Variants in CIT observed in about 807,000 individuals in gnomAD.
CIT encodes citron rho-interacting serine/threonine kinase.
Under a neutral mutation model 272.7 loss-of-function variants are expected in CIT, and 79 were observed. The observed-to-expected ratio is 0.29, with a 90% confidence interval of 0.24 to 0.35. The LOEUF is 0.35. CIT is among the 10% of genes least tolerant of loss of function. The pLI, the probability that CIT is intolerant of heterozygous loss-of-function variation, is 1.00. For missense variants in CIT, 1,909 were observed against 2,618.3 expected, an observed-to-expected ratio of 0.73 and a Z score of 5.91; for synonymous variants, 948 against 995.6, an observed-to-expected ratio of 0.95 and a Z score of 0.90.
chr12:119,793,913 CAG>C (rs1252690099), intron 10 of CIT, among the ~76,000 whole-genome samples: 1 of 152,184 alleles, frequency 6.6e-6, no homozygotes, highest in Non-Finnish European at 1.5e-5. Context: ...TCCATGAAGA[CAG>C]GGATTTTTGT....
chr12:119,841,146 T>C (rs1371194401), intron 5 of CIT, among the ~76,000 whole-genome samples: 1 of 152,102 alleles, frequency 6.6e-6, no homozygotes, highest in Non-Finnish European at 1.5e-5. Context: ...CTGTACCTTG[T>C]ATCACCTACA....
chr12:119,734,012 C>T, intron 26 of CIT, 152 bp downstream of exon 26: 1 of 770,744 alleles, frequency 1.3e-6, no homozygotes, highest in Non-Finnish European at 2.1e-6. Context: ...TCCTGGTTTG[C>T]CCAAGAGTCT....
chr12:119,807,891 A>T (rs1370296256), intron 9 of CIT, among the ~76,000 whole-genome samples: 1 of 136,836 alleles, frequency 7.3e-6, no homozygotes, highest in African/African-American at 3.1e-5. Context: ...AAAAGCCACT[A>T]AAAAAAAAAA....
intron 26 of CIT, among the ~76,000 whole-genome samples, chr12:119,731,029 A>C (rs558111032): frequency 6.8e-4 from 103 of 152,306 alleles, no homozygotes; most frequent in African/African-American, 2.4e-3. Context: ...CGGGAGGCTG[A>C]GGCAGGAGAA....
Position 119,857,579 on chromosome 12 carries a change from C to T in CIT, c.358G>A (p.Gly120Arg), listed in dbSNP as rs982376765. The change falls in exon 4 of 48, where the codon GGG (glycine) becomes AGG (arginine). Residue 120 changes from glycine to arginine, a missense_variant. Physicochemically the swap from Gly to Arg is moderately radical, Grantham distance 125 (BLOSUM62 -2). This residue lies in a region of CIT where 529 missense variants were observed against 549.6 expected (regional missense o/e 0.96). Coordinates refer to ENST00000392521, the MANE Select transcript of CIT (RefSeq NM_001206999.2). ...ATCACTTTCATAGCATAGATGTCCCCGGTTGCTTTCTCTCTTACCACCTGC... is the reference window on the plus strand; with the variant it reads ...ATCACTTTCATAGCATAGATGTCCCTGGTTGCTTTCTCTCTTACCACCTGC... Reference protein sequence around the residue: ...EVQVVREKATGDIYAMKVMKK... With the variant: ...EVQVVREKATRDIYAMKVMKK... The T allele has an allele frequency of 2.4e-5, 39 of 1,614,052 alleles. No individual in the cohort carries two copies. In the Admixed American group the frequency reaches 4.3e-4, roughly 18 times the overall value.
At chr12:119,778,911 G>A (rs146773253) in intron 13 of CIT, among the ~76,000 whole-genome samples, 1 of 152,266 alleles carries the variant, frequency 6.6e-6, no homozygotes, top group Non-Finnish European at 1.5e-5. Context: ...TTTATAACCT[G>A]CTCACAATTA....
chr12:119,852,787 A>G (rs1970313885), intron 4 of CIT, among the ~76,000 whole-genome samples: 1 of 151,946 alleles, frequency 6.6e-6, no homozygotes, highest in African/African-American at 2.4e-5. Context: ...AATATATTCT[A>G]TGCATGTGTA....
In CIT at chr12:119,694,333, C is replaced by T. The variant is rs1330643012; in HGVS notation, c.5882+3326G>A. 6.6e-6 allele frequency among the ~76,000 whole-genome samples: 1 copy of T among 152,158 alleles called. No homozygotes were observed. The highest frequency in any genetic ancestry group is 1.5e-5 in the Non-Finnish European group (1 of 68,034). ...TTGCAGCAACAGATTGGAGACAACT[C>T]GAACAGCCATTAATGAAGAAGCAGT... On this transcript the variant is annotated intron_variant, in intron 46 of 47. Coordinates refer to ENST00000392521, the MANE Select transcript of CIT (RefSeq NM_001206999.2). This position sits in a 1 kb window ranked among gnomAD's most constrained non-coding sequence, Gnocchi z 4.5.
intron 2 of CIT, among the ~76,000 whole-genome samples, chr12:119,873,989 C>T (rs56903823): frequency 6.6e-6 from 1 of 151,954 alleles, no homozygotes; most frequent in South Asian, 2.1e-4. Flanking sequence ...TGCTTTAAAT[C>T]GAATATCTCA....
intron 4 of CIT, among the ~76,000 whole-genome samples, chr12:119,851,688 A>G (rs1970230553): frequency 6.6e-6 from 1 of 152,256 alleles, no homozygotes; most frequent in Non-Finnish European, 1.5e-5. Context: ...CCAAGTCCAC[A>G]TAGATATAAA....
chr12:119,718,510 A>G lies in CIT; in HGVS notation c.4004-101T>C. 6.8e-7 allele frequency: 1 copy of G among 1,470,434 alleles called. No individual in the cohort carries two copies. The highest frequency in any genetic ancestry group is 9.2e-7 in the Non-Finnish European group (1 of 1,085,224). The allele number at this position is 1,470,434 out of a possible 1,614,324, so 91.1% of individuals were successfully genotyped here. A position where few individuals can be genotyped will look rare whatever the true frequency, so the allele number is the denominator to read the frequency against. On this transcript the variant is annotated intron_variant, in intron 31 of 47. Coordinates refer to ENST00000392521, the MANE Select transcript of CIT (RefSeq NM_001206999.2). This position sits in a 1 kb window ranked among gnomAD's most constrained non-coding sequence, Gnocchi z 4.8. ...GCTATCTTTCAAGGACCCAAGACCA[A>G]AAGAATATGCGTCACATCAACTTGG...
chr12:119,830,606 AC>A (rs34166112), intron 7 of CIT, among the ~76,000 whole-genome samples: 61,188 of 151,842 alleles, frequency 0.4, 13,184 homozygotes, highest in Admixed American at 0.53. Context: ...GGGTTCTCAA[AC>A]CCCACTTCCC....
chr12:119,745,247 A>G (rs1282095856), intron 23 of CIT, among the ~76,000 whole-genome samples: 1 of 150,656 alleles, frequency 6.6e-6, no homozygotes, highest in Non-Finnish European at 1.5e-5. Flanking sequence ...TACATGTTAC[A>G]TTAAGAGAAA....
At chr12:119,782,325 G>T in intron 13 of CIT, 193 bp downstream of exon 13, 1 of 504,562 alleles carries the variant, frequency 2.0e-6, no homozygotes, top group East Asian at 3.3e-5. Context: ...GCTGGAACAA[G>T]CATTCTATGA....
chr12:119,692,448 C>T (rs1263506612), intron 46 of CIT, among the ~76,000 whole-genome samples: 2 of 152,194 alleles, frequency 1.3e-5, no homozygotes, highest in African/African-American at 4.8e-5. Flanking sequence ...CTTCTGTCAA[C>T]GTCCATAATT....
chr12:119,790,899 T>C (rs7953072), intron 10 of CIT, among the ~76,000 whole-genome samples: 66,733 of 151,996 alleles, frequency 0.44, 15,277 homozygotes, highest in Admixed American at 0.56. Flanking sequence ...GAAGTAACAA[T>C]CTAGGAGAGA....
At chr12:119,826,900 G>A (rs370418828) in intron 7 of CIT, among the ~76,000 whole-genome samples, 4 of 152,252 alleles carry the variant, frequency 2.6e-5, no homozygotes, top group South Asian at 2.1e-4. Flanking sequence ...GACGTGATGA[G>A]GTCTCCTCTC....
chr12:119,725,426 AAAAAAT>A (rs970033837), intron 28 of CIT, among the ~76,000 whole-genome samples: 7 of 152,276 alleles, frequency 4.6e-5, no homozygotes, highest in African/African-American at 1.4e-4. Context: ...ACTCTGTCTC[AAAAAAT>A]AAAAATAAAA....
Position 119,700,830 on chromosome 12 carries a change from A to C in CIT, c.5543-5T>G, listed in dbSNP as rs1956518813. ...AATCCACGAACACTCCAAATTCTGC[A>C]AGGTGTCAAGAGCACGTGGGCATTA... On this transcript the variant is annotated splice_polypyrimidine_tract_variant and splice_region_variant and intron_variant, in intron 43 of 47. Transcript: ENST00000392521. 1 of 1,613,190 alleles carries C rather than the reference A, an allele frequency of 6.2e-7. No individual in the cohort carries two copies. The highest frequency in any genetic ancestry group is 1.3e-5 in the African/African-American group (1 of 74,896).
Sources: gnomAD v4.1 joint callset for allele counts (sites outside exome capture counted in the v4.1 genomes callset) on GRCh38, gnomAD v4.1.1 for gene constraint, gnomAD v4.1.1 regional missense constraint, Gnocchi (gnomAD v3.1) non-coding constraint, MANE v1.5 for transcripts, NCBI Gene and HGNC (gene_info 2026-07-23, HGNC 2026-07-21) for gene names.